Variants in SNRNP35 observed in about 807,000 individuals in gnomAD.
The protein encoded by SNRNP35 is U11/U12 small nuclear ribonucleoprotein 35 kDa protein.
Under a neutral mutation model 24.3 loss-of-function variants are expected in SNRNP35, and 16 were observed. That is an observed-to-expected ratio of 0.66 (90% confidence interval 0.45 to 1.00). SNRNP35 has a LOEUF of 1.00. Among genes scored for constraint, SNRNP35 ranks in the 50% least tolerant of loss-of-function variants. The probability of loss-of-function intolerance (pLI) is 0.00; values close to 1 mark genes in which losing one functional copy is unlikely to be tolerated. For missense variants in SNRNP35, 292 were observed against 327.2 expected (o/e 0.89, Z 0.83); for synonymous variants, 106 against 124.8 (o/e 0.85, Z 1.00).
exon 2 of SNRNP35, chr12:123,472,684 T>C: frequency 6.3e-7 from 1 of 1,594,526 alleles, no homozygotes; most frequent in Non-Finnish European, 8.5e-7. Context: ...AAGCTAAACC[T>C]TTGGAAGGGA....
exon 2 of SNRNP35, chr12:123,472,288 A>G: frequency 2.3e-6 from 1 of 443,930 alleles, no homozygotes; most frequent in Non-Finnish European, 4.0e-6. Flanking sequence ...GGGATTATTA[A>G]ATATATATCC....
At chr12:123,472,294 T>C in exon 2 of SNRNP35, 2 of 469,962 alleles carry the variant, frequency 4.3e-6, no homozygotes, top group Non-Finnish European at 3.8e-6. Context: ...ATTAAATATA[T>C]ATCCTACGGG....
At chr12:123,459,889 A>T in intron 1 of SNRNP35, 1 of 1,593,028 alleles carries the variant, frequency 6.3e-7, no homozygotes, top group Non-Finnish European at 8.6e-7. Flanking sequence ...ATGAGAAACA[A>T]TGAAACCAGC....
exon 2 of SNRNP35, chr12:123,472,339 G>C (rs1881243923): frequency 5.2e-6 from 3 of 574,410 alleles, no homozygotes; most frequent in Admixed American, 6.1e-5. Flanking sequence ...TGATAGCCCT[G>C]GGTATAAATA....
At chr12:123,468,358 C>CAAAAAA (rs62816460), downstream of SNRNP35, among the ~76,000 whole-genome samples, 1 of 92,190 alleles carries the variant, frequency 1.1e-5, no homozygotes, top group Non-Finnish European at 2.0e-5. Context: ...GACTCTGTCT[C>CAAAAAA]AAAAAAAAAA....
chr12:123,460,635 G>C (rs1425617292), intron 1 of SNRNP35, among the ~76,000 whole-genome samples: 1 of 149,650 alleles, frequency 6.7e-6, no homozygotes, highest in Non-Finnish European at 1.5e-5. Flanking sequence ...GCTGGGTATG[G>C]TGGCGCATAG....
At chr12:123,460,275 A>G (rs1416820468) in intron 1 of SNRNP35, among the ~76,000 whole-genome samples, 2 of 152,038 alleles carry the variant, frequency 1.3e-5, no homozygotes, top group Non-Finnish European at 2.9e-5. Flanking sequence ...ATTTTATGAA[A>G]AGCATCAGAG....
chr12:123,460,243 A>G (rs981210917), intron 1 of SNRNP35, among the ~76,000 whole-genome samples: 1 of 151,964 alleles, frequency 6.6e-6, no homozygotes, highest in Admixed American at 6.6e-5. Context: ...TCTTTTTCCT[A>G]TCTTTATCTC....
downstream of SNRNP35, among the ~76,000 whole-genome samples, chr12:123,468,627 T>TTGCA (rs1361201201): frequency 6.6e-6 from 1 of 151,998 alleles, no homozygotes; most frequent in African/African-American, 2.4e-5. Flanking sequence ...GAAGCAGAGG[T>TTGCA]TGCAGTGAGC....
chr12:123,461,956 G>A (rs961126019), intron 1 of SNRNP35, among the ~76,000 whole-genome samples: 1 of 152,064 alleles, frequency 6.6e-6, no homozygotes, highest in South Asian at 2.1e-4. Context: ...TGCTGACCTC[G>A]TGATCCGCCT....
chr12:123,461,722 AT>A (rs1180729336), intron 1 of SNRNP35, among the ~76,000 whole-genome samples: 2,332 of 135,144 alleles, frequency 0.017, 32 homozygotes, highest in African/African-American at 0.048. Context: ...AAGTTCTATG[AT>A]TTTTTTTTTT....
At chr12:123,472,248 AGTT>A (rs1881237507) in exon 2 of SNRNP35, 2 of 346,128 alleles carry the variant, frequency 5.8e-6, no homozygotes, top group East Asian at 9.9e-5. Context: ...GTGTTACTGA[AGTT>A]AACGCAGAAG....
In SNRNP35 at chr12:123,465,247, G is replaced by A. The variant is rs779740585; in HGVS notation, c.-3-291G>A. Among the ~76,000 whole-genome samples, 1 of 152,184 alleles carries A rather than the reference G, an allele frequency of 6.6e-6. No homozygotes were observed. Among genetic ancestry groups the A allele is most frequent in the Admixed American group, 6.5e-5 (1 of 15,268 alleles). On this transcript the variant is annotated intron_variant, in intron 1 of 1. Transcript: ENST00000526639. The surrounding 1 kb of genome is among the most constrained non-coding windows in gnomAD (Gnocchi z 4.2). Reference sequence around the variant, plus strand: ...GTTCATAGTTGGTAAGTGCCCTTCCGTGGCTGAGCCAGATGCTGCATATAT... The same window carrying A: ...GTTCATAGTTGGTAAGTGCCCTTCCATGGCTGAGCCAGATGCTGCATATAT...
chr12:123,460,956 CTTTTTTTTT>C (rs35246652), intron 1 of SNRNP35, among the ~76,000 whole-genome samples: 2 of 122,776 alleles, frequency 1.6e-5, no homozygotes, highest in Non-Finnish European at 3.3e-5. Context: ...TGCGCCTGGC[CTTTTTTTTT>C]TTTTTTTTTT....
At position 123,465,889 on chromosome 12, in the gene SNRNP35, A is replaced by G. The variant is rs762370008; in HGVS notation, c.349A>G (p.Ile117Val). ...KAYRDADGLV[I>V]DQHEIFVDYE... The stretch of plus-strand genomic sequence containing the variant: ...TTACCGAGATGCTGATGGCCTGGTT[A>G]TTGACCAGCATGAGATATTTGTGGA... Residue 117 changes from isoleucine to valine, a missense_variant, in exon 2 of 2, where the codon ATT becomes GTT. Coordinates refer to ENST00000526639, the MANE Select transcript of SNRNP35 (RefSeq NM_022717.4). The surrounding 1 kb of genome is among the most constrained non-coding windows in gnomAD (Gnocchi z 4.2). 2.5e-6 allele frequency: 4 copies of G among 1,613,962 alleles called. No individual in the cohort carries two copies. The highest frequency in any genetic ancestry group is 2.5e-6 in the Non-Finnish European group (3 of 1,180,018).
chr12:123,458,228 C>T lies in SNRNP35; in HGVS notation c.-4+12C>T. Reference sequence around the variant, plus strand: ...CAAGCTTTGCAGAGGTGAGTGGAAGCGGCTTGGAAGGAGCGGGCCCCACGC... The same window carrying T: ...CAAGCTTTGCAGAGGTGAGTGGAAGTGGCTTGGAAGGAGCGGGCCCCACGC... On this transcript the variant is annotated intron_variant, in intron 1 of 1. Transcript: ENST00000526639. 1 of 985,362 alleles carries T rather than the reference C, an allele frequency of 1.0e-6. No homozygotes were observed. The highest frequency in any genetic ancestry group is 1.2e-6 in the Non-Finnish European group (1 of 829,938). 61.0% of individuals were successfully genotyped at this position (985,362 alleles called of 1,614,324 possible).
At chr12:123,472,330 G>A in exon 2 of SNRNP35, 1 of 558,216 alleles carries the variant, frequency 1.8e-6, no homozygotes, top group Non-Finnish European at 3.2e-6. Flanking sequence ...TAGAAACAGT[G>A]ATAGCCCTGG....
rs376279239 is a variant in SNRNP35 at position 123,465,529 on chromosome 12, C to T, written c.-3-9C>T. The T allele has an allele frequency of 6.5e-7, 1 of 1,532,498 alleles. No homozygotes were observed. Among genetic ancestry groups the T allele is most frequent in the Admixed American group, 2.1e-5 (1 of 47,600 alleles). 94.9% of individuals were successfully genotyped at this position (1,532,498 alleles called of 1,614,324 possible). A position where few individuals can be genotyped will look rare whatever the true frequency, so the allele number is the denominator to read the frequency against. On this transcript the variant is annotated splice_polypyrimidine_tract_variant and intron_variant, in intron 1 of 1. Transcript: ENST00000526639. The surrounding 1 kb of genome is among the most constrained non-coding windows in gnomAD (Gnocchi z 4.2). The stretch of plus-strand genomic sequence containing the variant: ...AGGCTCCATCCACGCTTGCTCTTAT[C>T]ATTCATAGAACATGAACGATTGGAT...
chr12:123,458,362 G>A, intron 1 of SNRNP35, 146 bp downstream of exon 1: 1 of 391,264 alleles, frequency 2.6e-6, no homozygotes, highest in Non-Finnish European at 3.5e-6. Flanking sequence ...GTTGCGGGGA[G>A]TGGGGACGAG....
Sources: allele counts gnomAD v4.1 joint callset (sites outside exome capture counted in the v4.1 genomes callset), GRCh38; gene constraint gnomAD v4.1.1; non-coding constraint Gnocchi (gnomAD v3.1); transcripts MANE v1.5; gene names NCBI Gene and HGNC (gene_info 2026-07-23, HGNC 2026-07-21).